Variants in MYO1E observed in about 807,000 individuals in gnomAD.
The protein encoded by MYO1E is unconventional myosin-Ie.
A neutral mutation model predicts 151.1 loss-of-function variants in MYO1E; 68 were observed. The ratio of observed to expected loss-of-function variants is 0.45; its 90% CI spans 0.37 to 0.55. The LOEUF is 0.55. MYO1E is among the 20% of genes least tolerant of loss of function. The pLI, the probability that MYO1E is intolerant of heterozygous loss-of-function variation, is 0.00. For synonymous variants in MYO1E, 601 were observed against 501.7 expected, an observed-to-expected ratio of 1.20 and a Z score of -2.64; for missense variants, 1,363 against 1,389.3, an observed-to-expected ratio of 0.98 and a Z score of 0.30.
intron 1 of MYO1E, among the ~76,000 whole-genome samples, chr15:59,341,688 C>A (rs947350642): frequency 3.9e-5 from 6 of 152,128 alleles, no homozygotes; most frequent in Non-Finnish European, 7.4e-5. Flanking sequence ...GGGTTTCATT[C>A]TTTTTTATTG....
intron 1 of MYO1E, among the ~76,000 whole-genome samples, chr15:59,332,522 C>CTG (rs1248392889): frequency 5.3e-5 from 8 of 152,136 alleles, no homozygotes; most frequent in Non-Finnish European, 8.8e-5. Flanking sequence ...GATTACTAAC[C>CTG]TGACAGCAGC....
At chr15:59,295,111 A>G (rs1393455435) in intron 1 of MYO1E, among the ~76,000 whole-genome samples, 1 of 152,178 alleles carries the variant, frequency 6.6e-6, no homozygotes, top group Non-Finnish European at 1.5e-5. Context: ...AGCCATGCAC[A>G]TAAGTGGCTT....
At position 59,159,231 on chromosome 15, in the gene MYO1E, G is replaced by T. The variant is rs1348205162; in HGVS notation, c.2786-852C>A. On this transcript the variant is annotated intron_variant, in intron 24 of 27. Coordinates refer to ENST00000288235, the MANE Select transcript of MYO1E (RefSeq NM_004998.4). This position sits in a 1 kb window ranked among gnomAD's most constrained non-coding sequence, Gnocchi z 4.4. ...GTGGGATCGGGGCAAACCCAGTGTGGCCTGCTGGACGCTTCCCTCCCAGTA... is the reference window on the plus strand; with the variant it reads ...GTGGGATCGGGGCAAACCCAGTGTGTCCTGCTGGACGCTTCCCTCCCAGTA... Among the ~76,000 whole-genome samples, 1 of 152,244 alleles carries T rather than the reference G, an allele frequency of 6.6e-6. No homozygotes were observed.
intron 4 of MYO1E, among the ~76,000 whole-genome samples, chr15:59,247,503 C>CA (rs2080137364): frequency 1.3e-5 from 2 of 152,128 alleles, no homozygotes; most frequent in South Asian, 4.1e-4. Context: ...GATGCAGCTT[C>CA]AAAAAACAAT....
chr15:59,208,006 A>T, intron 14 of MYO1E: 1 of 1,611,842 alleles, frequency 6.2e-7, no homozygotes, highest in South Asian at 1.1e-5. Context: ...TATAAAGATA[A>T]AGCTGACCCC....
At chr15:59,204,644 G>A (rs958190525) in intron 15 of MYO1E, among the ~76,000 whole-genome samples, 1 of 152,082 alleles carries the variant, frequency 6.6e-6, no homozygotes. Flanking sequence ...CGTGCAAGGG[G>A]GATACCCTCC....
intron 9 of MYO1E, among the ~76,000 whole-genome samples, chr15:59,220,787 C>T (rs1389537489): frequency 1.3e-5 from 2 of 151,482 alleles, no homozygotes; most frequent in Non-Finnish European, 2.9e-5. Flanking sequence ...GAATGGAATG[C>T]TATGCAGCTA....
At chr15:59,355,308 C>T (rs866289231) in intron 1 of MYO1E, among the ~76,000 whole-genome samples, 1 of 152,188 alleles carries the variant, frequency 6.6e-6, no homozygotes, top group Non-Finnish European at 1.5e-5. Context: ...TGTCTCAACT[C>T]CTCCATTCCT....
chr15:59,173,944 A>G (rs1252450311), intron 20 of MYO1E, 29 bp from the exon 21 acceptor site: 2 of 1,610,808 alleles, frequency 1.2e-6, no homozygotes, highest in Non-Finnish European at 1.7e-6. Flanking sequence ...TCAAGATGGA[A>G]GAAGGATAAG....
intron 6 of MYO1E, among the ~76,000 whole-genome samples, chr15:59,231,255 C>G (rs772104716): frequency 9.9e-5 from 15 of 152,198 alleles, no homozygotes; most frequent in Non-Finnish European, 1.5e-4. Flanking sequence ...AAGTTTCTCT[C>G]CAAGGTGCCA....
chr15:59,224,235 G>T (rs1370185503), intron 8 of MYO1E, among the ~76,000 whole-genome samples: 1 of 152,112 alleles, frequency 6.6e-6, no homozygotes, highest in Non-Finnish European at 1.5e-5. Context: ...AGGGTCCTCT[G>T]CCCTAAACAA....
At chr15:59,299,480 T>C (rs146704125) in intron 1 of MYO1E, among the ~76,000 whole-genome samples, 11 of 152,330 alleles carry the variant, frequency 7.2e-5, no homozygotes, top group African/African-American at 2.6e-4. Context: ...AAACTTATGT[T>C]AGGCCTTGGG....
At chr15:59,163,095 G>T (rs2079546702) in intron 23 of MYO1E, 62 bp downstream of exon 23, 1 of 1,579,628 alleles carries the variant, frequency 6.3e-7, no homozygotes, top group Non-Finnish European at 8.7e-7. Context: ...TGAATCGCAG[G>T]GGTGCGATCA....
intron 1 of MYO1E, among the ~76,000 whole-genome samples, chr15:59,324,379 C>A (rs948750830): frequency 6.6e-6 from 1 of 152,174 alleles, no homozygotes; most frequent in Non-Finnish European, 1.5e-5. Context: ...CTATGAGCAA[C>A]ACAAGTCTGT....
intron 1 of MYO1E, among the ~76,000 whole-genome samples, chr15:59,364,880 G>A (rs1276654402): frequency 6.6e-6 from 1 of 152,114 alleles, no homozygotes; most frequent in Non-Finnish European, 1.5e-5. Context: ...CTGCACTCCA[G>A]CCTGGGCGAC....
intron 18 of MYO1E, among the ~76,000 whole-genome samples, chr15:59,183,024 C>T (rs1475883143): frequency 4.6e-5 from 7 of 152,172 alleles, no homozygotes; most frequent in African/African-American, 9.7e-5. Flanking sequence ...CTAATGCCAC[C>T]GCTGATCTGA....
At chr15:59,284,482 C>T (rs1234670266) in intron 1 of MYO1E, among the ~76,000 whole-genome samples, 2 of 151,970 alleles carry the variant, frequency 1.3e-5, no homozygotes, top group African/African-American at 2.4e-5. Context: ...CAGGGTCTCA[C>T]TTTGTCACCC....
intron 4 of MYO1E, among the ~76,000 whole-genome samples, chr15:59,237,676 A>T (rs568339403): frequency 6.6e-6 from 1 of 152,242 alleles, no homozygotes; most frequent in Admixed American, 6.5e-5. Flanking sequence ...TAGGGCGCAG[A>T]GCAAATGTTC....
chr15:59,202,794 C>A (rs1040733418), intron 15 of MYO1E, among the ~76,000 whole-genome samples: 19 of 152,160 alleles, frequency 1.2e-4, no homozygotes, highest in African/African-American at 4.6e-4. Context: ...CAGGTTGGAG[C>A]GCAGGGGTTC....
Sources: gnomAD v4.1 joint callset for allele counts (sites outside exome capture counted in the v4.1 genomes callset) on GRCh38, gnomAD v4.1.1 for gene constraint, Gnocchi (gnomAD v3.1) non-coding constraint, MANE v1.5 for transcripts, NCBI Gene and HGNC (gene_info 2026-07-23, HGNC 2026-07-21) for gene names.